Variants in CCDC66 observed in about 807,000 individuals in gnomAD.
CCDC66 encodes coiled-coil domain containing 66.
A neutral mutation model predicts 128.3 loss-of-function variants in CCDC66; 133 were observed. That is an observed-to-expected ratio of 1.04 (90% CI 0.90 to 1.20). The LOEUF is 1.20. CCDC66 is among the 50% of genes most tolerant of loss of function. The pLI is 0.00. For synonymous variants in CCDC66, 387 were observed against 357.0 expected (o/e 1.08, Z -0.95); for missense variants, 1,126 against 1,075.5 (o/e 1.05, Z -0.66).
chr3:56,591,933 A>G (rs2070980117), intron 7 of CCDC66, among the ~76,000 whole-genome samples: 1 of 152,204 alleles, frequency 6.6e-6, no homozygotes, highest in African/African-American at 2.4e-5. Flanking sequence ...TATTTCATGT[A>G]ATGAAATGTT....
chr3:56,557,846 A>G (rs1010840057), intron 1 of CCDC66: 1 of 152,696 alleles, frequency 6.5e-6, no homozygotes, highest in Non-Finnish European at 1.5e-5. Context: ...CCAAACTCAG[A>G]CCTAACTACA....
chr3:56,619,732 T>C, intron 16 of CCDC66, 45 bp from the exon 17 acceptor site: 1 of 1,607,010 alleles, frequency 6.2e-7, no homozygotes, highest in Non-Finnish European at 8.5e-7. Context: ...GCTATGTCAT[T>C]TTACTAATGT....
chr3:56,619,109 T>G, intron 15 of CCDC66, 162 bp from the exon 16 acceptor site: 1 of 573,008 alleles, frequency 1.7e-6, no homozygotes, highest in South Asian at 2.5e-5. Flanking sequence ...TCCCAGCTAC[T>G]TGGGAGGCTG....
chr3:56,602,849 T>A (rs1394481349), intron 10 of CCDC66, among the ~76,000 whole-genome samples: 1 of 149,962 alleles, frequency 6.7e-6, no homozygotes, highest in African/African-American at 2.5e-5. Flanking sequence ...TTTTTTTTTT[T>A]TTTGAGACAG....
At chr3:56,613,064 G>A (rs1056609914) in intron 10 of CCDC66, among the ~76,000 whole-genome samples, 6 of 152,184 alleles carry the variant, frequency 3.9e-5, no homozygotes, top group Non-Finnish European at 2.9e-5. Flanking sequence ...ATGTGGAGAT[G>A]CAGGGGCTGT....
Position 56,615,891 on chromosome 3 carries a change from GTTGTT to G in CCDC66, c.1712-28_1712-24del, listed in dbSNP as rs559949584. 61 of 1,554,410 alleles carry G rather than the reference GTTGTT, an allele frequency of 3.9e-5. No homozygotes were observed. In the East Asian group the frequency reaches 1.1e-3, roughly 29 times the overall value. On this transcript the variant is annotated intron_variant, in intron 12 of 17. Coordinates refer to ENST00000394672, the MANE Select transcript of CCDC66 (RefSeq NM_001141947.3). ...TAATTTTTATTAATATTCCTTAAGT[GTTGTT>G]TTATCAGGTGATTTCTCTTTGCCAG... is the stretch of plus-strand genomic sequence containing the variant.
intron 7 of CCDC66, among the ~76,000 whole-genome samples, chr3:56,587,087 G>T (rs1241603347): frequency 6.6e-6 from 1 of 151,690 alleles, no homozygotes; most frequent in African/African-American, 2.4e-5. Flanking sequence ...TTGTATTGGT[G>T]GTTCTAGGCA....
intron 10 of CCDC66, among the ~76,000 whole-genome samples, chr3:56,598,582 A>G (rs1473070454): frequency 3.3e-5 from 5 of 151,888 alleles, no homozygotes; most frequent in African/African-American, 1.2e-4. Context: ...ATTTTAAGGT[A>G]TATACCTTCT....
intron 14 of CCDC66, 48 bp downstream of exon 14, chr3:56,617,653 A>C: frequency 6.5e-6 from 10 of 1,545,720 alleles, no homozygotes; most frequent in Non-Finnish European, 8.7e-6. Context: ...CTGGATTCAA[A>C]ACACAGTTTC....
chr3:56,581,175 C>G (rs1189023926), intron 7 of CCDC66, among the ~76,000 whole-genome samples: 2 of 151,816 alleles, frequency 1.3e-5, no homozygotes, highest in African/African-American at 2.4e-5. Context: ...GTCACTGATA[C>G]CCTTTCTTCC....
At chr3:56,584,396 G>C (rs1229612489) in intron 7 of CCDC66, among the ~76,000 whole-genome samples, 1 of 146,206 alleles carries the variant, frequency 6.8e-6, no homozygotes, top group Non-Finnish European at 1.5e-5. Context: ...CCGGGTGGAG[G>C]GGCTCCTCAC....
intron 10 of CCDC66, among the ~76,000 whole-genome samples, chr3:56,608,490 AGTGAG>A (rs545001092): frequency 1.1e-3 from 171 of 152,128 alleles, no homozygotes; most frequent in Admixed American, 1.7e-3. Flanking sequence ...TTTGTTTCTT[AGTGAG>A]GTGTTTGGAT....
chr3:56,600,901 G>A (rs537839924), intron 10 of CCDC66, among the ~76,000 whole-genome samples: 1 of 151,980 alleles, frequency 6.6e-6, no homozygotes, highest in Admixed American at 6.5e-5. Flanking sequence ...TGGGTAGATT[G>A]CAGAAATTGT....
chr3:56,586,149 A>G (rs535214129), intron 7 of CCDC66, among the ~76,000 whole-genome samples: 3 of 151,976 alleles, frequency 2.0e-5, no homozygotes, highest in Admixed American at 6.6e-5. Flanking sequence ...ATATTGTGCA[A>G]AGTGTTTAGC....
intron 3 of CCDC66, among the ~76,000 whole-genome samples, chr3:56,562,162 TC>T (rs1484130357): frequency 1.3e-5 from 2 of 151,808 alleles, no homozygotes; most frequent in African/African-American, 4.8e-5. Flanking sequence ...TGCCTCAGCC[TC>T]CCAAGTAGCT....
chr3:56,572,145 T>C (rs991330297), intron 7 of CCDC66, among the ~76,000 whole-genome samples: 2 of 152,254 alleles, frequency 1.3e-5, no homozygotes, highest in East Asian at 1.9e-4. Flanking sequence ...TAGAGTCTTA[T>C]AAAGGAGCTG....
chr3:56,562,072 C>T (rs975861900), intron 3 of CCDC66, among the ~76,000 whole-genome samples: 1 of 151,334 alleles, frequency 6.6e-6, no homozygotes. Context: ...GGCAGGCTCT[C>T]TCTCTTTGTC....
At chr3:56,586,324 C>T (rs1010065307) in intron 7 of CCDC66, among the ~76,000 whole-genome samples, 5 of 150,696 alleles carry the variant, frequency 3.3e-5, no homozygotes, top group Admixed American at 1.3e-4. Flanking sequence ...GTCAGGAAAT[C>T]GAGACCATCC....
intron 7 of CCDC66, among the ~76,000 whole-genome samples, chr3:56,588,974 A>C (rs999203291): frequency 6.6e-6 from 1 of 152,214 alleles, no homozygotes; most frequent in African/African-American, 2.4e-5. Context: ...AAAGAACAGC[A>C]AAATTGAAGC....
Sources: allele counts gnomAD v4.1 joint callset (sites outside exome capture counted in the v4.1 genomes callset), GRCh38; gene constraint gnomAD v4.1.1; transcripts MANE v1.5; gene names NCBI Gene and HGNC (gene_info 2026-07-23, HGNC 2026-07-21).